The following NCOA7 variants were observed in gnomAD, a reference collection of about 807,000 sequenced individuals.
NCOA7 encodes the protein nuclear receptor coactivator 7.
NCOA7 carries 45 observed loss-of-function variants against 104.3 expected under a neutral mutation model. The ratio of observed to expected loss-of-function variants is 0.43; its 90% CI spans 0.34 to 0.55. NCOA7 has a LOEUF of 0.55. NCOA7 is among the 20% of genes least tolerant of loss of function. The pLI, the probability that NCOA7 is intolerant of heterozygous loss-of-function variation, is 0.02. For synonymous variants in NCOA7, 398 were observed against 402.3 expected (o/e 0.99, Z 0.13); for missense variants, 1,041 against 1,119.7 (o/e 0.93, Z 1.00).
At chr6:125,861,317 A>T (rs1288214294) in intron 3 of NCOA7, among the ~76,000 whole-genome samples, 1 of 152,092 alleles carries the variant, frequency 6.6e-6, no homozygotes, top group Non-Finnish European at 1.5e-5. Context: ...ACATGTGAAG[A>T]TTTCATGTCC....
intron 2 of NCOA7, among the ~76,000 whole-genome samples, chr6:125,826,893 G>A (rs1448850351): frequency 6.6e-6 from 1 of 152,094 alleles, no homozygotes; most frequent in Non-Finnish European, 1.5e-5. Context: ...TGGAAGGTGG[G>A]AGGGCAAGAA....
chr6:125,912,081 A>G (rs886793058), intron 10 of NCOA7, among the ~76,000 whole-genome samples: 21 of 152,248 alleles, frequency 1.4e-4, no homozygotes, highest in Non-Finnish European at 2.9e-4. Context: ...AACAGAAGGC[A>G]TAGAGAAAGC....
chr6:125,824,427 G>A (rs1213316901), intron 2 of NCOA7, among the ~76,000 whole-genome samples: 1 of 152,078 alleles, frequency 6.6e-6, no homozygotes, highest in African/African-American at 2.4e-5. Context: ...CCCAAAATGG[G>A]AATAATAGTA....
intron 2 of NCOA7, among the ~76,000 whole-genome samples, chr6:125,825,271 T>TA (rs1376497914): frequency 1.3e-5 from 2 of 151,908 alleles, no homozygotes; most frequent in Non-Finnish European, 1.5e-5. Context: ...TATTGAAAGT[T>TA]ACAGTGAGCT....
At chr6:125,910,259 T>G (rs1363368229) in intron 10 of NCOA7, among the ~76,000 whole-genome samples, 1 of 152,214 alleles carries the variant, frequency 6.6e-6, no homozygotes, top group Non-Finnish European at 1.5e-5. Context: ...AGGCTAGTTC[T>G]CAGATATTAG....
At chr6:125,919,744 C>G (rs1322710468) in intron 11 of NCOA7, among the ~76,000 whole-genome samples, 2 of 152,146 alleles carry the variant, frequency 1.3e-5, no homozygotes, top group Admixed American at 6.5e-5. Context: ...AGTGTTTTCA[C>G]TACGGAAACA....
Position 125,889,726 on chromosome 6 carries a change from A to G in NCOA7, c.1672A>G (p.Ile558Val). 1 of 1,613,914 alleles carries G rather than the reference A, an allele frequency of 6.2e-7. No homozygotes were observed. The highest frequency in any genetic ancestry group is 2.2e-5 in the East Asian group (1 of 44,856). ...AAGTATTGAACCAGGGGGAATAGAC[A>G]TTACCCTTAGTAGTTCTCTTTCCCA... ...GKSIEPGGID[I>V]TLSSSLSQAG... The change falls in exon 9 of 16, where the codon ATT becomes GTT. Residue 558 changes from isoleucine (I) to valine (V), a missense_variant. Ile to Val is a conservative substitution (Grantham distance 29, BLOSUM62 3). Transcript: ENST00000392477.
At chr6:125,863,151 G>A (rs757073800) in intron 3 of NCOA7, among the ~76,000 whole-genome samples, 2 of 138,808 alleles carry the variant, frequency 1.4e-5, no homozygotes, top group Non-Finnish European at 1.5e-5. Flanking sequence ...CCAGTAGTTA[G>A]GGAGCATGAA....
chr6:125,892,420 G>A (rs1473679380), intron 10 of NCOA7, among the ~76,000 whole-genome samples: 1 of 151,974 alleles, frequency 6.6e-6, no homozygotes, highest in Non-Finnish European at 1.5e-5. Context: ...TTAAAAGCAG[G>A]TCAACTTTGG....
upstream of NCOA7, among the ~76,000 whole-genome samples, chr6:125,789,532 T>A (rs140911788): frequency 4.0e-4 from 61 of 152,340 alleles, no homozygotes; most frequent in African/African-American, 1.4e-3. Flanking sequence ...CTTTATACTT[T>A]AGGAACCTAA....
chr6:125,913,490 G>A (rs560529632), intron 10 of NCOA7: 5 of 223,460 alleles, frequency 2.2e-5, no homozygotes, highest in East Asian at 3.7e-4. Context: ...CAAAAGCTGC[G>A]TACCATGGAT....
At chr6:125,919,245 C>A in intron 11 of NCOA7, 1 of 1,604,106 alleles carries the variant, frequency 6.2e-7, no homozygotes. Flanking sequence ...AAACTAGATA[C>A]TGAGAAAACA....
chr6:125,869,349 C>G (rs531674277), intron 3 of NCOA7, among the ~76,000 whole-genome samples: 2 of 152,148 alleles, frequency 1.3e-5, no homozygotes, highest in Non-Finnish European at 2.9e-5. Context: ...TACTCAATGT[C>G]CACATCTCAC....
At chr6:125,857,468 G>T (rs796279010) in intron 3 of NCOA7, among the ~76,000 whole-genome samples, 2 of 151,596 alleles carry the variant, frequency 1.3e-5, no homozygotes, top group South Asian at 2.1e-4. Flanking sequence ...AGAAAGATGG[G>T]GTTCTCACTA....
In NCOA7 at chr6:125,855,136, A is replaced by G. The variant is rs765682345; in HGVS notation, c.167A>G (p.Asn56Ser). The part of the protein sequence containing the change: ...NTVVLEPDKC[N>S]IAVEEEYMTD... ...GTAGTTTTAGAGCCAGACAAGTGCA[A>G]CATTGCTGTGGAAGAGGAATATATG... is the stretch of plus-strand genomic sequence containing the variant. The change falls in exon 3 of 16, where the codon AAC becomes AGC. Residue 56 changes from asparagine to serine, a missense_variant. Asn to Ser is a conservative substitution (Grantham distance 46, BLOSUM62 1). Transcript: ENST00000392477. 9.9e-6 allele frequency: 16 copies of G among 1,613,578 alleles called. No homozygotes were observed. The highest frequency in any genetic ancestry group is 2.2e-5 in the East Asian group (1 of 44,850).
chr6:125,928,883 T>C lies in NCOA7; in HGVS notation c.*112T>C. ...AGCCTGCCTCATCCCACCCCAATGCTTCCTTTCTGCCATCATCTCAGAGCA... is the reference window on the plus strand; with the variant it reads ...AGCCTGCCTCATCCCACCCCAATGCCTCCTTTCTGCCATCATCTCAGAGCA... On this transcript the variant is annotated 3_prime_UTR_variant, in exon 16 of 16. Coordinates refer to ENST00000392477, the MANE Select transcript of NCOA7 (RefSeq NM_181782.5). 1 of 1,156,184 alleles carries C rather than the reference T, an allele frequency of 8.6e-7. No homozygotes were observed. Among genetic ancestry groups the C allele is most frequent in the East Asian group, 2.5e-5 (1 of 39,560 alleles). 71.6% of individuals were successfully genotyped at this position (1,156,184 alleles called of 1,614,324 possible).
chr6:125,927,722 C>T lies in NCOA7; in HGVS notation c.2583C>T (p.Gly861=), dbSNP rs768537414. ...TCAGTGACCACTATTATGGCACAGG[C>T]GAAACTTTTCTCTACACATTCAGCC... ...FKFSDHYYGT[G]ETFLYTFSPH... The change falls in exon 14 of 16, where the codon GGC becomes GGT. Residue 861 remains glycine (G), a synonymous_variant. Coordinates refer to ENST00000392477, the MANE Select transcript of NCOA7 (RefSeq NM_181782.5). 7 of 1,614,004 alleles carry T rather than the reference C, an allele frequency of 4.3e-6. No individual in the cohort carries two copies. The highest frequency in any genetic ancestry group is 4.5e-5 in the East Asian group (2 of 44,884).
intron 13 of NCOA7, among the ~76,000 whole-genome samples, chr6:125,924,193 T>A (rs1787824573): frequency 6.6e-6 from 1 of 152,248 alleles, no homozygotes; most frequent in Non-Finnish European, 1.5e-5. Context: ...ATACAGACTC[T>A]CACCTAAGTA....
chr6:125,904,502 A>T (rs552663574), intron 10 of NCOA7, among the ~76,000 whole-genome samples: 2 of 152,196 alleles, frequency 1.3e-5, no homozygotes, highest in Admixed American at 1.3e-4. Flanking sequence ...TTCCAATGCC[A>T]TGTCTTTGCA....
Sources: gnomAD v4.1 joint callset for allele counts (sites outside exome capture counted in the v4.1 genomes callset) on GRCh38, gnomAD v4.1.1 for gene constraint, MANE v1.5 for transcripts, NCBI Gene and HGNC (gene_info 2026-07-23, HGNC 2026-07-21) for gene names.